Variants in SVIL observed in about 807,000 individuals in gnomAD.
SVIL encodes the protein supervillin.
Under a neutral mutation model 240.4 loss-of-function variants are expected in SVIL, and 101 were observed. The ratio of observed to expected loss-of-function variants is 0.42; its 90% CI spans 0.36 to 0.50. The LOEUF (loss-of-function observed/expected upper bound fraction) is 0.50, where lower values mean the gene tolerates loss of function less well. SVIL is among the 20% of genes least tolerant of loss of function. SVIL has a pLI of 0.01. For synonymous variants in SVIL, 999 were observed against 1,100.0 expected, an observed-to-expected ratio of 0.91 and a Z score of 1.82; for missense variants, 2,512 against 2,818.7, an observed-to-expected ratio of 0.89 and a Z score of 2.46.
chr10:29,539,385 C>T (rs1310725304), intron 6 of SVIL, among the ~76,000 whole-genome samples: 1 of 152,142 alleles, frequency 6.6e-6, no homozygotes, highest in Non-Finnish European at 1.5e-5. Flanking sequence ...CAGGGTGAGT[C>T]CAGCCTCACC....
intron 17 of SVIL, among the ~76,000 whole-genome samples, chr10:29,502,750 G>T (rs1948999561): frequency 6.6e-6 from 1 of 152,018 alleles, no homozygotes; most frequent in East Asian, 1.9e-4. Context: ...CTTGTCTTAG[G>T]GATGGTCAGA....
At chr10:29,516,938 GT>G (rs1373261490) in intron 16 of SVIL, among the ~76,000 whole-genome samples, 5 of 152,134 alleles carry the variant, frequency 3.3e-5, no homozygotes, top group Non-Finnish European at 7.4e-5. Flanking sequence ...AATAAGATGT[GT>G]TTTCTCTCTC....
Position 29,458,300 on chromosome 10 carries a change from C to T in SVIL, c.6592G>A (p.Ala2198Thr), listed in dbSNP as rs751139267. 26 of 1,614,102 alleles carry T rather than the reference C, an allele frequency of 1.6e-5. No individual in the cohort carries two copies. In the Admixed American group the frequency reaches 2.2e-4, roughly 13 times the overall value. ...ALDMTRDEYN[A>T]LPAWKQVNLK... The stretch of plus-strand genomic sequence containing the variant: ...TTCACCTGCTTCCAGGCGGGCAGGG[C>T]GTTGTATTCATCCCTCGTCATGTCT... The change falls in exon 38 of 38, where the codon GCC becomes ACC. Residue 2198 changes from alanine (A) to threonine (T), a missense_variant. By Grantham distance (58) the Ala-to-Thr change is moderately conservative (BLOSUM62 0). Coordinates refer to ENST00000355867, the MANE Select transcript of SVIL (RefSeq NM_021738.3).
chr10:29,659,212 G>C (rs1959087949), intron 2 of SVIL, among the ~76,000 whole-genome samples: 1 of 152,182 alleles, frequency 6.6e-6, no homozygotes, highest in South Asian at 2.1e-4. Flanking sequence ...CAGCCTGGGA[G>C]AGGTCCCCAA....
At chr10:29,545,853 C>CAAAAAAAAAAAAAAAAAAAAAA (rs755360700) in intron 6 of SVIL, among the ~76,000 whole-genome samples, 6 of 63,592 alleles carry the variant, frequency 9.4e-5, no homozygotes, top group African/African-American at 1.4e-4. Flanking sequence ...GACTCTGTCT[C>CAAAAAAAAAAAAAAAAAAAAAA]AAAAAAAAAA....
intron 1 of SVIL, among the ~76,000 whole-genome samples, chr10:29,594,707 C>T (rs1407892892): frequency 1.3e-5 from 2 of 152,032 alleles, no homozygotes; most frequent in African/African-American, 4.8e-5. Context: ...CAGGTGTGTG[C>T]CACCACACCC....
chr10:29,648,986 CA>C (rs1167901372), intron 3 of SVIL, among the ~76,000 whole-genome samples: 1 of 151,706 alleles, frequency 6.6e-6, no homozygotes, highest in Non-Finnish European at 1.5e-5. Context: ...ACAAAAAAAA[CA>C]AAAAACAAAA....
chr10:29,568,808 TGG>T (rs1955207657), intron 2 of SVIL, among the ~76,000 whole-genome samples: 6 of 150,902 alleles, frequency 4.0e-5, no homozygotes, highest in African/African-American at 1.5e-4. Flanking sequence ...GATGGATGGA[TGG>T]ATGGATGGAT....
At chr10:29,520,632 G>A (rs1950498418) in intron 16 of SVIL, among the ~76,000 whole-genome samples, 1 of 152,204 alleles carries the variant, frequency 6.6e-6, no homozygotes, top group Admixed American at 6.5e-5. Flanking sequence ...GAAGGGCCAG[G>A]TGTGGTGGTG....
chr10:29,709,492 C>A (rs1227496682), intron 1 of SVIL, among the ~76,000 whole-genome samples: 1 of 152,190 alleles, frequency 6.6e-6, no homozygotes, highest in Non-Finnish European at 1.5e-5. Flanking sequence ...CTTTGAATTA[C>A]GGGAGCTGGA....
At position 29,532,120 on chromosome 10, in the gene SVIL, C is replaced by G. The variant is rs1564587639; in HGVS notation, c.1891G>C (p.Glu631Gln). Residue 631 changes from glutamate (E) to glutamine (Q), a missense_variant, in exon 9 of 38, where the codon GAA becomes CAA. Glu to Gln is a conservative substitution (Grantham distance 29). This residue lies in a region of SVIL where 1,443 missense variants were observed against 1,486.6 expected (regional missense o/e 0.97). Coordinates refer to ENST00000355867, the MANE Select transcript of SVIL (RefSeq NM_021738.3). ...GGTTTCCGGGACCCTCTCTCCCGTT[C>G]CACACCGGTGGGCAAGCCAGGTCCT... ...AEGPGLPTGV[E>Q]RERGSRKPRR... 1 of 1,614,002 alleles carries G rather than the reference C, an allele frequency of 6.2e-7. No homozygotes were observed.
chr10:29,708,115 A>G (rs1265852106), intron 1 of SVIL, among the ~76,000 whole-genome samples: 2 of 151,886 alleles, frequency 1.3e-5, no homozygotes, highest in African/African-American at 4.8e-5. Flanking sequence ...AAAATTAGCC[A>G]GGCATGGTGG....
At chr10:29,491,344 C>T (rs941165362) in intron 21 of SVIL, among the ~76,000 whole-genome samples, 47 of 150,114 alleles carry the variant, frequency 3.1e-4, no homozygotes, top group Middle Eastern at 3.5e-3. Flanking sequence ...TCCCTCCCCC[C>T]TACCACGCCC....
chr10:29,708,341 C>T (rs1411393502), intron 1 of SVIL, among the ~76,000 whole-genome samples: 1 of 151,618 alleles, frequency 6.6e-6, no homozygotes, highest in African/African-American at 2.4e-5. Context: ...AAGATTTTGG[C>T]CACGTGCGTT....
Position 29,551,161 on chromosome 10 carries a change from T to C in SVIL, c.263A>G (p.Tyr88Cys), listed in dbSNP as rs145010190. ...ETSGVHGDSP[Y>C]GSGTMDTHSL... is the part of the protein sequence containing the mutation. ...GTGGGTGTCCATGGTACCCGAACCA[T>C]AGGGTGAGTCACCGTGGACACCGGA... is the stretch of plus-strand genomic sequence containing the variant. The change falls in exon 6 of 38, where the codon TAT (tyrosine) becomes TGT (cysteine). Residue 88 changes from tyrosine (Y) to cysteine (C), a missense_variant. Physicochemically the swap from Tyr to Cys is radical, Grantham distance 194. Transcript: ENST00000355867. 5.6e-6 allele frequency: 9 copies of C among 1,614,012 alleles called. No homozygotes were observed. The highest frequency in any genetic ancestry group is 5.3e-5 in the African/African-American group (4 of 74,918).
At chr10:29,615,401 G>A (rs556149077) in intron 1 of SVIL, among the ~76,000 whole-genome samples, 13 of 152,280 alleles carry the variant, frequency 8.5e-5, no homozygotes, top group Admixed American at 2.6e-4. Flanking sequence ...ACACAGCACT[G>A]GATCAAATGA....
chr10:29,573,892 C>T (rs557591981), intron 1 of SVIL, among the ~76,000 whole-genome samples: 59 of 152,148 alleles, frequency 3.9e-4, no homozygotes, highest in Non-Finnish European at 7.2e-4. Flanking sequence ...GACGGGGTTT[C>T]GCCATGTTGG....
intron 35 of SVIL, among the ~76,000 whole-genome samples, chr10:29,462,778 G>T (rs923740833): frequency 6.6e-6 from 1 of 152,112 alleles, no homozygotes; most frequent in Non-Finnish European, 1.5e-5. Flanking sequence ...GACTGACGGC[G>T]AACGACAGCA....
chr10:29,653,279 G>A (rs1193215635), intron 3 of SVIL, among the ~76,000 whole-genome samples: 1 of 152,244 alleles, frequency 6.6e-6, no homozygotes, highest in South Asian at 2.1e-4. Flanking sequence ...ATGAGATCTG[G>A]TTGTTTAAAA....
Sources: allele counts gnomAD v4.1 joint callset (sites outside exome capture counted in the v4.1 genomes callset), GRCh38; gene constraint gnomAD v4.1.1; regional missense constraint gnomAD v4.1.1; transcripts MANE v1.5; gene names NCBI Gene and HGNC (gene_info 2026-07-23, HGNC 2026-07-21).